Variants in CPA3 observed in about 807,000 individuals in gnomAD.
CPA3 encodes mast cell carboxypeptidase A.
CPA3 carries 52 observed loss-of-function variants against 55.8 expected under a neutral mutation model. The observed-to-expected ratio is 0.93, with a 90% CI of 0.75 to 1.17. The LOEUF (loss-of-function observed/expected upper bound fraction) is 1.17, where lower values mean the gene tolerates loss of function less well. Ranked by LOEUF, CPA3 falls within the 50% of genes most tolerant of loss-of-function variation. The probability of loss-of-function intolerance (pLI) is 0.00; values close to 1 mark genes in which losing one functional copy is unlikely to be tolerated. For missense variants in CPA3, 547 were observed against 509.1 expected (o/e 1.07, Z -0.72); for synonymous variants, 179 against 171.2 (o/e 1.05, Z -0.36).
At chr3:148,881,420 T>C (rs1233344593) in intron 6 of CPA3, 102 bp from the exon 7 acceptor site, 1 of 632,366 alleles carries the variant, frequency 1.6e-6, no homozygotes, top group East Asian at 2.8e-5. Context: ...TGAAAACATG[T>C]GACCTTGGGA....
At chr3:148,895,392 G>A (rs1158908660) in intron 10 of CPA3, among the ~76,000 whole-genome samples, 1 of 152,106 alleles carries the variant, frequency 6.6e-6, no homozygotes, top group East Asian at 1.9e-4. Context: ...AGCTGGCACT[G>A]GGCATGAAAG....
In CPA3 at chr3:148,881,681, T is replaced by C. The variant is rs780601295; in HGVS notation, c.687+49T>C. On this transcript the variant is annotated intron_variant, in intron 7 of 10. Coordinates refer to ENST00000296046, the MANE Select transcript of CPA3 (RefSeq NM_001870.4). ...TGCATTTAGATATTATTTGCTGGCT[T>C]TAATACACAATGTTATGCATTCAGC... 1.2e-5 allele frequency: 15 copies of C among 1,209,364 alleles called. No homozygotes were observed. In the Admixed American group the frequency reaches 2.8e-4, roughly 22 times the overall value. 74.9% of individuals were successfully genotyped at this position (1,209,364 alleles called of 1,614,324 possible). A position where few individuals can be genotyped will look rare whatever the true frequency, so the allele number is the denominator to read the frequency against.
At position 148,878,558 on chromosome 3, in the gene CPA3, G is replaced by A; in HGVS notation, c.372+15G>A. ...ATTGGGAAAAGGTACAGTAAAAAAT[G>A]CCTGTACTTTTTTTTAAGTTACCCT... On this transcript the variant is annotated intron_variant, in intron 4 of 10. Coordinates refer to ENST00000296046, the MANE Select transcript of CPA3 (RefSeq NM_001870.4). 6.3e-7 allele frequency: 1 copy of A among 1,585,718 alleles called. No individual in the cohort carries two copies. Among genetic ancestry groups the A allele is most frequent in the East Asian group, 2.2e-5 (1 of 44,660 alleles).
chr3:148,872,044 A>G (rs949441106), intron 3 of CPA3, among the ~76,000 whole-genome samples: 2 of 150,374 alleles, frequency 1.3e-5, no homozygotes, highest in Non-Finnish European at 2.9e-5. Context: ...TTCATTAGAC[A>G]GGGTATATCA....
Position 148,868,999 on chromosome 3 carries a change from G to A in CPA3, c.229G>A (p.Ala77Thr), listed in dbSNP as rs575898817. ...CCGAGTTAGTGAGAAGGAATCCCAA[G>A]CCATCCAGTCTGCCTTGGATCAAAA... ...DFRVSEKESQ[A>T]IQSALDQNKM... Residue 77 changes from alanine to threonine, a missense_variant, in exon 3 of 11, where the codon GCC (alanine) becomes ACC (threonine). Coordinates refer to ENST00000296046, the MANE Select transcript of CPA3 (RefSeq NM_001870.4). 3.7e-5 allele frequency: 60 copies of A among 1,614,072 alleles called. No individual in the cohort carries two copies. The South Asian group carries it at 6.0e-4, about 16-fold the overall frequency.
intron 2 of CPA3, 124 bp from the exon 3 acceptor site, chr3:148,868,791 G>A (rs1713978299): frequency 2.0e-6 from 2 of 1,010,518 alleles, no homozygotes; most frequent in Middle Eastern, 2.5e-4. Flanking sequence ...TAAAAGAAGG[G>A]TCTGTATCTT....
intron 7 of CPA3, among the ~76,000 whole-genome samples, chr3:148,882,025 C>T (rs897412043): frequency 6.6e-6 from 1 of 152,206 alleles, no homozygotes; most frequent in Admixed American, 6.5e-5. Context: ...AAGAGAGGTA[C>T]AGATACCTAT....
intron 2 of CPA3, among the ~76,000 whole-genome samples, chr3:148,868,668 A>T (rs533569025): frequency 6.6e-6 from 1 of 151,582 alleles, no homozygotes; most frequent in Non-Finnish European, 1.5e-5. Context: ...TTAACTTGAT[A>T]GACCTGAAGT....
intron 2 of CPA3, among the ~76,000 whole-genome samples, chr3:148,865,986 T>C (rs1713891202): frequency 6.6e-6 from 1 of 152,182 alleles, no homozygotes; most frequent in African/African-American, 2.4e-5. Context: ...AGCAGGTACA[T>C]TTTCAAATAA....
chr3:148,880,275 A>G (rs1158927862), intron 6 of CPA3, among the ~76,000 whole-genome samples: 2 of 151,896 alleles, frequency 1.3e-5, no homozygotes, highest in African/African-American at 2.4e-5. Flanking sequence ...TTGGCCGCAC[A>G]TGTACTTGGA....
intron 10 of CPA3, among the ~76,000 whole-genome samples, chr3:148,892,137 C>T (rs1328564096): frequency 6.6e-6 from 1 of 152,096 alleles, no homozygotes; most frequent in African/African-American, 2.4e-5. Context: ...CCACTGACTG[C>T]TTCTAAAAGT....
chr3:148,878,454 G>T lies in CPA3; in HGVS notation c.283G>T (p.Asp95Tyr). 6.2e-7 allele frequency: 1 copy of T among 1,608,578 alleles called. No homozygotes were observed. The highest frequency in any genetic ancestry group is 1.1e-5 in the South Asian group (1 of 90,896). Residue 95 changes from aspartate to tyrosine, a missense_variant, in exon 4 of 11, where the codon GAT (aspartate) becomes TAT (tyrosine). By Grantham distance (160) the Asp-to-Tyr change is radical (BLOSUM62 -3). Transcript: ENST00000296046. Reference protein sequence around the residue: ...NKMHYEILIHDLQEEIEKQFD... With the variant: ...NKMHYEILIHYLQEEIEKQFD... ...CCTGTCAAACAGAATCTTGATTCATGATCTACAAGAAGAGATTGAGAAACA... is the reference window on the plus strand; with the variant it reads ...CCTGTCAAACAGAATCTTGATTCATTATCTACAAGAAGAGATTGAGAAACA...
chr3:148,872,400 A>G (rs1714088378), intron 3 of CPA3, among the ~76,000 whole-genome samples: 1 of 152,234 alleles, frequency 6.6e-6, no homozygotes, highest in South Asian at 2.1e-4. Context: ...TAAAATTAGA[A>G]AATAAAGAGT....
rs554254643 is a variant in CPA3 at position 148,872,720 on chromosome 3, C to T, written c.269+3681C>T. On this transcript the variant is annotated intron_variant, in intron 3 of 10. Coordinates refer to ENST00000296046, the MANE Select transcript of CPA3 (RefSeq NM_001870.4). ...CTTCACATTTTTACGTATTACTTACCTAAGAGTATAACATGCATGTTATAC... is the reference window on the plus strand; with the variant it reads ...CTTCACATTTTTACGTATTACTTACTTAAGAGTATAACATGCATGTTATAC... 1.2e-4 allele frequency among the ~76,000 whole-genome samples: 18 copies of T among 151,976 alleles called. No homozygotes were observed. The South Asian group carries it at 3.1e-3, about 26-fold the overall frequency.
chr3:148,881,517 G>A lies in CPA3; in HGVS notation c.577-5G>A, dbSNP rs752495996. The stretch of plus-strand genomic sequence containing the variant: ...AATAGCTTAATTTTTTTTCACCTCC[G>A]ACAGGCAACCAAAACTTATGGGAGA... On this transcript the variant is annotated splice_polypyrimidine_tract_variant and splice_region_variant and intron_variant, in intron 6 of 10. Coordinates refer to ENST00000296046, the MANE Select transcript of CPA3 (RefSeq NM_001870.4). The A allele has an allele frequency of 1.7e-5, 27 of 1,598,712 alleles. No individual in the cohort carries two copies. The highest frequency in any genetic ancestry group is 1.9e-5 in the Non-Finnish European group (22 of 1,169,100).
At chr3:148,882,376 T>C in intron 7 of CPA3, 129 bp from the exon 8 acceptor site, 1 of 600,016 alleles carries the variant, frequency 1.7e-6, no homozygotes, top group Non-Finnish European at 2.9e-6. Context: ...CTTTTTATAA[T>C]AAAGGGCCTC....
At chr3:148,868,255 C>T (rs1289883134) in intron 2 of CPA3, among the ~76,000 whole-genome samples, 2 of 138,448 alleles carry the variant, frequency 1.4e-5, no homozygotes, top group African/African-American at 2.6e-5. Context: ...TTGAAATTGT[C>T]AGCTAGAGGA....
chr3:148,867,261 T>C (rs560025961), intron 2 of CPA3, among the ~76,000 whole-genome samples: 2 of 152,324 alleles, frequency 1.3e-5, no homozygotes, highest in East Asian at 3.9e-4. Flanking sequence ...GTCCTACTTA[T>C]TTCTCAAGAT....
intron 3 of CPA3, among the ~76,000 whole-genome samples, chr3:148,877,500 AAAAG>A (rs367802562): frequency 5.9e-5 from 9 of 152,166 alleles, no homozygotes; most frequent in Non-Finnish European, 1.2e-4. Flanking sequence ...ATCTAAAAAA[AAAAG>A]AAAGAAAGAA....
Sources: gnomAD v4.1 joint callset for allele counts (sites outside exome capture counted in the v4.1 genomes callset) on GRCh38, gnomAD v4.1.1 for gene constraint, MANE v1.5 for transcripts, NCBI Gene and HGNC (gene_info 2026-07-23, HGNC 2026-07-21) for gene names.